The following DHX36 variants were observed in gnomAD, a reference collection of about 807,000 sequenced individuals.
The protein encoded by DHX36 is DEAH-box helicase 36, also known as ATP-dependent DNA/RNA helicase DHX36.
DHX36 carries 50 observed loss-of-function variants against 139.0 expected under a neutral mutation model. The ratio of observed to expected loss-of-function variants is 0.36; its 90% CI spans 0.29 to 0.46. The LOEUF (loss-of-function observed/expected upper bound fraction) is 0.46, where lower values mean the gene tolerates loss of function less well. DHX36 is among the 20% of genes least tolerant of loss of function. The probability of loss-of-function intolerance (pLI) is 1.00; values close to 1 mark genes in which losing one functional copy is unlikely to be tolerated. For synonymous variants in DHX36, 425 were observed against 401.9 expected, an observed-to-expected ratio of 1.06 and a Z score of -0.69; for missense variants, 1,024 against 1,211.3, an observed-to-expected ratio of 0.85 and a Z score of 2.29.
At chr3:154,299,077 G>A (rs955887805) in intron 12 of DHX36, among the ~76,000 whole-genome samples, 5 of 152,154 alleles carry the variant, frequency 3.3e-5, no homozygotes, top group Non-Finnish European at 7.4e-5. Flanking sequence ...TTCGAGACCA[G>A]CCTGGTCAAC....
At position 154,276,062 on chromosome 3, in the gene DHX36, C is replaced by G; in HGVS notation, c.*109G>C. 9.6e-7 allele frequency: 1 copy of G among 1,037,164 alleles called. No homozygotes were observed. The allele number at this position is 1,037,164 out of a possible 1,614,324, so 64.2% of individuals were successfully genotyped here. ...TTTACTACCTACTGAAGGCTTCTAC[C>G]TTACACATGAAAATTGTTCATGTCC... On this transcript the variant is annotated 3_prime_UTR_variant, in exon 25 of 25. Coordinates refer to ENST00000496811, the MANE Select transcript of DHX36 (RefSeq NM_020865.3).
intron 12 of DHX36, 69 bp downstream of exon 12, chr3:154,299,769 A>G: frequency 8.3e-7 from 1 of 1,203,398 alleles, no homozygotes; most frequent in Non-Finnish European, 1.2e-6. Context: ...GAATAAAAGA[A>G]AAAAATACAC....
intron 12 of DHX36, among the ~76,000 whole-genome samples, chr3:154,298,036 T>C (rs905423989): frequency 2.0e-5 from 3 of 152,194 alleles, no homozygotes; most frequent in East Asian, 1.9e-4. Context: ...TAAATTTTTT[T>C]CAACATAATT....
At chr3:154,283,119 G>T in intron 20 of DHX36, 69 bp downstream of exon 20, 11 of 1,237,074 alleles carry the variant, frequency 8.9e-6, no homozygotes, top group Non-Finnish European at 2.4e-6. Flanking sequence ...AGATCTAATT[G>T]TACAAAATGG....
intron 12 of DHX36, among the ~76,000 whole-genome samples, chr3:154,298,938 T>A (rs1443887959): frequency 2.0e-5 from 3 of 151,666 alleles, no homozygotes; most frequent in Admixed American, 6.6e-5. Context: ...AAATAAATAA[T>A]TAATTTTGTC....
chr3:154,288,822 T>C lies in DHX36; in HGVS notation c.2031+44A>G, dbSNP rs766056332. ...TTATAATTAACTGGTTTACATGCTG[T>C]AGTATTCTAAGTTAGAATTAAAAAA... On this transcript the variant is annotated intron_variant, in intron 17 of 24. Transcript: ENST00000496811. 45 of 1,145,662 alleles carry C rather than the reference T, an allele frequency of 3.9e-5. No individual in the cohort carries two copies. The Middle Eastern group carries it at 6.2e-4, about 16-fold the overall frequency. 71.0% of individuals were successfully genotyped at this position (1,145,662 alleles called of 1,614,324 possible). A position where few individuals can be genotyped will look rare whatever the true frequency, so the allele number is the denominator to read the frequency against.
chr3:154,313,688 A>G (rs1208246190), intron 3 of DHX36, among the ~76,000 whole-genome samples: 1 of 152,166 alleles, frequency 6.6e-6, no homozygotes, highest in Admixed American at 6.5e-5. Context: ...TTAAATATAT[A>G]TATATACATA....
chr3:154,311,243 T>C (rs929869031), intron 4 of DHX36, among the ~76,000 whole-genome samples: 10 of 152,134 alleles, frequency 6.6e-5, no homozygotes, highest in African/African-American at 2.2e-4. Flanking sequence ...TGTTAAGATA[T>C]AGTGTAATAA....
At position 154,298,142 on chromosome 3, in the gene DHX36, A is replaced by C. The variant is rs1381403131; in HGVS notation, c.1549+1696T>G. Among the ~76,000 whole-genome samples, 3 of 152,224 alleles carry C rather than the reference A, an allele frequency of 2.0e-5. No homozygotes were observed. The East Asian group carries it at 5.8e-4, about 29-fold the overall frequency. On this transcript the variant is annotated intron_variant, in intron 12 of 24. Coordinates refer to ENST00000496811, the MANE Select transcript of DHX36 (RefSeq NM_020865.3). Reference sequence around the variant, plus strand: ...ATTAGCAACTCTTTCCTTGAGAATAATTAATTCAAACTAGAAAGTTAACGA... The same window carrying C: ...ATTAGCAACTCTTTCCTTGAGAATACTTAATTCAAACTAGAAAGTTAACGA...
At chr3:154,320,627 T>C (rs772670928) in intron 1 of DHX36, among the ~76,000 whole-genome samples, 94 of 152,354 alleles carry the variant, frequency 6.2e-4, no homozygotes, top group Non-Finnish European at 1.2e-3. Context: ...TGTCCATAGC[T>C]GAGCCTTCTT....
rs528664921 is a variant in DHX36, at chr3:154,282,741, G to A, written c.2376+447C>T. ...GGATATTTCTATTCTCACTGGCTTCGAATACCCAGTTCAGTGTAGTCTGAA... is the reference window on the plus strand; with the variant it reads ...GGATATTTCTATTCTCACTGGCTTCAAATACCCAGTTCAGTGTAGTCTGAA... On this transcript the variant is annotated intron_variant, in intron 20 of 24. Transcript: ENST00000496811. Among the ~76,000 whole-genome samples, 5 of 152,234 alleles carry A rather than the reference G, an allele frequency of 3.3e-5. No homozygotes were observed. In the South Asian group the frequency reaches 8.3e-4, roughly 25 times the overall value.
At chr3:154,301,765 T>A (rs901179420) in intron 9 of DHX36, among the ~76,000 whole-genome samples, 1 of 152,056 alleles carries the variant, frequency 6.6e-6, no homozygotes, top group Non-Finnish European at 1.5e-5. Flanking sequence ...GCTAAAACCA[T>A]AGAGGGCGCA....
chr3:154,288,901 C>A lies in DHX36; in HGVS notation c.1996G>T (p.Ala666Ser). 6.3e-7 allele frequency: 1 copy of A among 1,591,334 alleles called. No homozygotes were observed. The highest frequency in any genetic ancestry group is 8.6e-7 in the Non-Finnish European group (1 of 1,167,818). ...AGGTGTCTTATGGAGAGTAACACTG[C>A]CTCATTTGATGGTGGGTCCATTAAT... is the stretch of plus-strand genomic sequence containing the variant. The part of the protein sequence containing the change: ...SRLMDPPSNE[A>S]VLLSIRHLME... Residue 666 changes from alanine (A) to serine (S), a missense_variant, in exon 17 of 25, where the codon GCA (alanine) becomes TCA (serine). Coordinates refer to ENST00000496811, the MANE Select transcript of DHX36 (RefSeq NM_020865.3).
chr3:154,312,853 A>ATC (rs1712815296), intron 3 of DHX36, among the ~76,000 whole-genome samples: 1 of 1,690 alleles, frequency 5.9e-4, no homozygotes, highest in Admixed American at 3.4e-3. Flanking sequence ...AATAATTAAA[A>ATC]TATATATATA....
Position 154,274,480 on chromosome 3 carries a change from T to C in DHX36, c.*1691A>G, listed in dbSNP as rs547798430. 2.7e-3 allele frequency: 407 copies of C among 152,632 alleles called. 2 individuals carry two copies. Among genetic ancestry groups the C allele is most frequent in the Non-Finnish European group, 4.5e-3 (306 of 68,326 alleles). The allele number at this position is 152,632 out of a possible 1,614,324, so 9.5% of individuals were successfully genotyped here. A position where few individuals can be genotyped will look rare whatever the true frequency, so the allele number is the denominator to read the frequency against. On this transcript the variant is annotated 3_prime_UTR_variant, in exon 25 of 25. Coordinates refer to ENST00000496811, the MANE Select transcript of DHX36 (RefSeq NM_020865.3). Reference sequence around the variant, plus strand: ...AGCTTACCGGCATTATCAAAGGCTCTGGTGAGTTCTATCTTTCCACTGAGC... The same window carrying C: ...AGCTTACCGGCATTATCAAAGGCTCCGGTGAGTTCTATCTTTCCACTGAGC...
chr3:154,300,583 A>G lies in DHX36; in HGVS notation c.1461+11T>C. The G allele has an allele frequency of 1.9e-6, 3 of 1,602,262 alleles. No individual in the cohort carries two copies. The highest frequency in any genetic ancestry group is 2.6e-6 in the Non-Finnish European group (3 of 1,172,834). ...AATTATGTTAACTGAAGAAAGAAAA[A>G]TAAAACTAACCTCTTCTTCCAAAAC... is the stretch of plus-strand genomic sequence containing the variant. On this transcript the variant is annotated intron_variant, in intron 11 of 24. Coordinates refer to ENST00000496811, the MANE Select transcript of DHX36 (RefSeq NM_020865.3).
chr3:154,276,584 A>G (rs972092495), intron 24 of DHX36, 163 bp downstream of exon 24: 2 of 853,360 alleles, frequency 2.3e-6, no homozygotes, highest in African/African-American at 1.7e-5. Flanking sequence ...GTCTGTTACC[A>G]CCTCAAAACA....
intron 1 of DHX36, among the ~76,000 whole-genome samples, chr3:154,321,538 C>A (rs1306820534): frequency 2.6e-5 from 4 of 152,174 alleles, no homozygotes; most frequent in African/African-American, 4.8e-5. Flanking sequence ...TCCAAACACA[C>A]CACAATCTCT....
rs1171498561 is a variant in DHX36, at chr3:154,274,720, A to G, written c.*1451T>C. On this transcript the variant is annotated 3_prime_UTR_variant, in exon 25 of 25. Transcript: ENST00000496811. ...TGTACTCATGCCTTATCAATTACTT[A>G]TAAGGGGGATAAGACCACATGTGAT... 3 of 152,200 alleles carry G rather than the reference A, an allele frequency of 2.0e-5. No individual in the cohort carries two copies. The highest frequency in any genetic ancestry group is 7.2e-5 in the African/African-American group (3 of 41,450). 9.4% of individuals were successfully genotyped at this position (152,200 alleles called of 1,614,324 possible).
Sources: allele counts gnomAD v4.1 joint callset (sites outside exome capture counted in the v4.1 genomes callset), GRCh38; gene constraint gnomAD v4.1.1; transcripts MANE v1.5; gene names NCBI Gene and HGNC (gene_info 2026-07-23, HGNC 2026-07-21).